SUGCT: variants seen among roughly 807,000 people sequenced by gnomAD.
The protein encoded by SUGCT is succinyl-CoA:glutarate-CoA transferase.
SUGCT carries 41 observed loss-of-function variants against 55.0 expected under a neutral mutation model. The observed-to-expected ratio is 0.74, with a 90% CI of 0.58 to 0.97. The LOEUF (loss-of-function observed/expected upper bound fraction) is 0.97, where lower values mean the gene tolerates loss of function less well. Ranked by LOEUF, SUGCT falls within the 50% of genes least tolerant of loss-of-function variation. SUGCT has a pLI of 0.00. For synonymous variants in SUGCT, 187 were observed against 200.4 expected (o/e 0.93, Z 0.56); for missense variants, 568 against 547.8 (o/e 1.04, Z -0.37).
At chr7:40,578,875 T>C (rs944979783) in intron 12 of SUGCT, among the ~76,000 whole-genome samples, 3 of 152,222 alleles carry the variant, frequency 2.0e-5, no homozygotes, top group African/African-American at 7.2e-5. Flanking sequence ...CTGTTTATTT[T>C]TTCCTTTCCC....
At chr7:40,548,186 C>CTTTTTTTTTTTT (rs1186226631) in intron 12 of SUGCT, among the ~76,000 whole-genome samples, 8 of 104,992 alleles carry the variant, frequency 7.6e-5, no homozygotes, top group African/African-American at 1.1e-4. Context: ...TTCTTTCTTT[C>CTTTTTTTTTTTT]TTTTTTTTTT....
chr7:40,679,412 C>T (rs1169165729), intron 12 of SUGCT, among the ~76,000 whole-genome samples: 6 of 152,100 alleles, frequency 3.9e-5, no homozygotes, highest in Admixed American at 3.9e-4. Context: ...TGAACACTTG[C>T]AGATACATTA....
At chr7:40,147,010 C>G (rs577918844) in intron 1 of SUGCT, among the ~76,000 whole-genome samples, 10 of 152,030 alleles carry the variant, frequency 6.6e-5, no homozygotes, top group Non-Finnish European at 1.3e-4. Flanking sequence ...CTCTTTGTCT[C>G]TCTGTCTCTT....
chr7:40,267,037 CAA>C (rs71750843), intron 7 of SUGCT, among the ~76,000 whole-genome samples: 2 of 86,746 alleles, frequency 2.3e-5, no homozygotes, highest in African/African-American at 8.8e-5. Context: ...AACAAACAAA[CAA>C]AAAAAAAAAA....
chr7:40,359,771 GACA>G (rs1167328554), intron 9 of SUGCT, among the ~76,000 whole-genome samples: 1 of 152,116 alleles, frequency 6.6e-6, no homozygotes, highest in Non-Finnish European at 1.5e-5. Context: ...GATTAAATGA[GACA>G]ACATGTGTCA....
intron 7 of SUGCT, among the ~76,000 whole-genome samples, chr7:40,261,110 T>G (rs568055403): frequency 6.6e-6 from 1 of 152,272 alleles, no homozygotes; most frequent in South Asian, 2.1e-4. Context: ...CTTTCTCCAG[T>G]GAAAGTCTAT....
intron 9 of SUGCT, among the ~76,000 whole-genome samples, chr7:40,318,361 C>G (rs1795546229): frequency 2.7e-5 from 1 of 36,368 alleles, no homozygotes; most frequent in Non-Finnish European, 5.2e-5. Context: ...AGGTCTTTCT[C>G]AAGGGTATTT....
At chr7:40,580,679 A>G (rs1397422928) in intron 12 of SUGCT, among the ~76,000 whole-genome samples, 1 of 152,238 alleles carries the variant, frequency 6.6e-6, no homozygotes, top group African/African-American at 2.4e-5. Context: ...CTTGATTAAT[A>G]TGTGCAGTCA....
intron 13 of SUGCT, among the ~76,000 whole-genome samples, chr7:40,817,878 G>T (rs1041720355): frequency 1.3e-5 from 2 of 152,188 alleles, no homozygotes; most frequent in African/African-American, 4.8e-5. Context: ...CTTCTAGAAG[G>T]AGGTAGTGAT....
intron 7 of SUGCT, among the ~76,000 whole-genome samples, chr7:40,272,095 C>CTCTCTCTCTA (rs1554299494): frequency 1.2e-5 from 1 of 85,414 alleles, no homozygotes; most frequent in African/African-American, 4.7e-5. Context: ...CTCTCTCTCT[C>CTCTCTCTCTA]TATATATATA....
intron 12 of SUGCT, among the ~76,000 whole-genome samples, chr7:40,676,504 GTTT>G: frequency 7.7e-6 from 1 of 129,084 alleles, no homozygotes; most frequent in Admixed American, 7.8e-5. Flanking sequence ...TTTGTTTTTT[GTTT>G]TTTTTTTTTT....
intron 9 of SUGCT, among the ~76,000 whole-genome samples, chr7:40,327,538 T>C (rs955779590): frequency 3.9e-5 from 6 of 152,264 alleles, no homozygotes; most frequent in African/African-American, 1.2e-4. Context: ...AAGACTATTA[T>C]GATTTTTTAA....
At chr7:40,570,850 CTTTTTTTTT>C (rs776733346) in intron 12 of SUGCT, among the ~76,000 whole-genome samples, 121 of 52,310 alleles carry the variant, frequency 2.3e-3, no homozygotes, top group African/African-American at 1.0e-2. Context: ...GCTTTAGGCT[CTTTTTTTTT>C]TTTTTTTTTT....
the SUGCT span, among the ~76,000 whole-genome samples, chr7:40,915,884 C>G: frequency 6.6e-6 from 1 of 152,118 alleles, no homozygotes; most frequent in African/African-American, 2.4e-5. Context: ...TTTTGGTTCT[C>G]TCTCCACCAT....
chr7:40,244,195 T>A (rs550699348), intron 7 of SUGCT, among the ~76,000 whole-genome samples: 1 of 151,982 alleles, frequency 6.6e-6, no homozygotes, highest in Non-Finnish European at 1.5e-5. Flanking sequence ...AATTAAAAAA[T>A]ATATATAAAG....
At chr7:40,924,452 G>C in the SUGCT span, among the ~76,000 whole-genome samples, 1 of 152,070 alleles carries the variant, frequency 6.6e-6, no homozygotes, top group Non-Finnish European at 1.5e-5. Context: ...GCATTGCCAG[G>C]TTGCCCCACC....
intron 11 of SUGCT, among the ~76,000 whole-genome samples, chr7:40,483,138 T>C (rs1791147227): frequency 6.6e-6 from 1 of 152,206 alleles, no homozygotes; most frequent in Admixed American, 6.5e-5. Context: ...CAGCTGTTTC[T>C]CTGTGGGTTA....
chr7:40,907,110 T>C, the SUGCT span, among the ~76,000 whole-genome samples: 1 of 36,792 alleles, frequency 2.7e-5, no homozygotes, highest in African/African-American at 1.2e-4. Context: ...TGTGTGTGTG[T>C]GTGTGTGTGT....
At position 40,631,510 on chromosome 7, in the gene SUGCT, T is replaced by C. The variant is rs143238902; in HGVS notation, c.1090-117924T>C. ...AATCAGCAGTTTCCCTACAAATTGG[T>C]AAAAGCTAGTCCTTTCATGATCTGA... On this transcript the variant is annotated intron_variant, in intron 12 of 13. Coordinates refer to ENST00000335693, the MANE Select transcript of SUGCT (RefSeq NM_001193313.2). Among the ~76,000 whole-genome samples the C allele has an allele frequency of 1.6e-3, 245 of 152,330 alleles. 1 individual carries two copies. Among genetic ancestry groups the C allele is most frequent in the African/African-American group, 5.6e-3 (234 of 41,580 alleles).
Sources: allele counts gnomAD v4.1 joint callset (sites outside exome capture counted in the v4.1 genomes callset), GRCh38; gene constraint gnomAD v4.1.1; transcripts MANE v1.5; gene names NCBI Gene and HGNC (gene_info 2026-07-23, HGNC 2026-07-21).